KIRREL3: variants seen among roughly 807,000 people sequenced by gnomAD.
The protein encoded by KIRREL3 is kin of IRRE-like protein 3.
In KIRREL3, 36 loss-of-function variants were observed where a neutral mutation model predicts 89.7. The ratio of observed to expected loss-of-function variants is 0.40; its 90% CI spans 0.31 to 0.53. The LOEUF (loss-of-function observed/expected upper bound fraction) is 0.53, where lower values mean the gene tolerates loss of function less well. Ranked by LOEUF, KIRREL3 falls within the 20% of genes least tolerant of loss-of-function variation. KIRREL3 has a pLI of 0.49. For missense variants in KIRREL3, 864 were observed against 1,056.6 expected (o/e 0.82, Z 2.53); for synonymous variants, 445 against 441.4 (o/e 1.01, Z -0.10).
chr11:126,894,809 G>C (rs1478372327), intron 1 of KIRREL3, among the ~76,000 whole-genome samples: 1 of 152,064 alleles, frequency 6.6e-6, no homozygotes, highest in Non-Finnish European at 1.5e-5. Context: ...TGCTATGAAG[G>C]AATAGTGGGC....
chr11:126,873,807 C>T (rs1262347853), intron 1 of KIRREL3, among the ~76,000 whole-genome samples: 1 of 152,150 alleles, frequency 6.6e-6, no homozygotes, highest in Non-Finnish European at 1.5e-5. Context: ...GACAAAAATG[C>T]TTTTTCAGGC....
intron 1 of KIRREL3, among the ~76,000 whole-genome samples, chr11:126,923,634 G>T (rs545278202): frequency 6.6e-6 from 1 of 151,932 alleles, no homozygotes; most frequent in Non-Finnish European, 1.5e-5. Context: ...AGTAGAGATG[G>T]GGTTTCACCA....
At chr11:126,800,472 A>C (rs886825401) in intron 1 of KIRREL3, among the ~76,000 whole-genome samples, 2 of 152,190 alleles carry the variant, frequency 1.3e-5, no homozygotes, top group African/African-American at 4.8e-5. Flanking sequence ...TACAGAAGGC[A>C]GGTAGGGAGG....
At chr11:126,884,302 A>G (rs1200427506) in intron 1 of KIRREL3, among the ~76,000 whole-genome samples, 1 of 152,214 alleles carries the variant, frequency 6.6e-6, no homozygotes, top group Non-Finnish European at 1.5e-5. Context: ...TCATTGGAGA[A>G]GCATGGTTCT....
At chr11:126,775,414 C>T (rs1950142976) in intron 1 of KIRREL3, among the ~76,000 whole-genome samples, 1 of 152,140 alleles carries the variant, frequency 6.6e-6, no homozygotes, top group African/African-American at 2.4e-5. Context: ...GCTGGTAACT[C>T]CTTGAAGGGG....
At chr11:126,632,990 G>T (rs959667952) in intron 1 of KIRREL3, among the ~76,000 whole-genome samples, 1 of 151,936 alleles carries the variant, frequency 6.6e-6, no homozygotes, top group Non-Finnish European at 1.5e-5. Flanking sequence ...TATTCGGGAG[G>T]CTGAGGCAGG....
Position 126,535,724 on chromosome 11 carries a change from C to T in KIRREL3, c.134-9037G>A, listed in dbSNP as rs931412919. The stretch of plus-strand genomic sequence containing the variant: ...TGAGGGCTGGGCCCGGTGGCTCACG[C>T]CTGTAATCCCAGCACTTTGGGAAGC... On this transcript the variant is annotated intron_variant, in intron 2 of 16. Transcript: ENST00000525144. This position sits in a 1 kb window ranked among gnomAD's most constrained non-coding sequence, Gnocchi z 4.5. 1.3e-5 allele frequency among the ~76,000 whole-genome samples: 2 copies of T among 152,222 alleles called. No homozygotes were observed. Among genetic ancestry groups the T allele is most frequent in the Admixed American group, 1.3e-4 (2 of 15,284 alleles).
rs942997118 is a variant in KIRREL3 at position 126,783,819 on chromosome 11, G to A, written c.55+216636C>T. Among the ~76,000 whole-genome samples, 1 of 152,214 alleles carries A rather than the reference G, an allele frequency of 6.6e-6. No individual in the cohort carries two copies. The highest frequency in any genetic ancestry group is 1.5e-5 in the Non-Finnish European group (1 of 68,034). ...TCCTTCTAAAGAATACAGTGTGAAA[G>A]TGAGAGAAAAAGAGGAGCTTTGCAG... On this transcript the variant is annotated intron_variant, in intron 1 of 16. Coordinates refer to ENST00000525144, the MANE Select transcript of KIRREL3 (RefSeq NM_032531.4). The surrounding 1 kb of genome is among the most constrained non-coding windows in gnomAD (Gnocchi z 4.3).
At chr11:126,792,039 C>T (rs1371854566) in intron 1 of KIRREL3, among the ~76,000 whole-genome samples, 3 of 152,200 alleles carry the variant, frequency 2.0e-5, no homozygotes, top group African/African-American at 7.2e-5. Flanking sequence ...CCCCAGCCTC[C>T]CTTTTGGGGG....
In KIRREL3 at chr11:126,965,486, C is replaced by G. The variant is rs1168372777; in HGVS notation, c.55+34969G>C. 2.6e-5 allele frequency among the ~76,000 whole-genome samples: 4 copies of G among 152,120 alleles called. No homozygotes were observed. The highest frequency in any genetic ancestry group is 5.9e-5 in the Non-Finnish European group (4 of 68,030). The stretch of plus-strand genomic sequence containing the variant: ...CTCATACAATACCTCTTCTCAGTAA[C>G]AAGATGCTGGTACTGAGAAACCAGT... On this transcript the variant is annotated intron_variant, in intron 1 of 16. Coordinates refer to ENST00000525144, the MANE Select transcript of KIRREL3 (RefSeq NM_032531.4). This position sits in a 1 kb window ranked among gnomAD's most constrained non-coding sequence, Gnocchi z 4.4.
At chr11:126,866,844 T>A (rs1944942010) in intron 1 of KIRREL3, among the ~76,000 whole-genome samples, 1 of 152,116 alleles carries the variant, frequency 6.6e-6, no homozygotes, top group Non-Finnish European at 1.5e-5. Flanking sequence ...AAGACCACCT[T>A]CCCATTCCAT....
At chr11:126,700,973 T>C (rs539117803) in intron 1 of KIRREL3, among the ~76,000 whole-genome samples, 34 of 152,334 alleles carry the variant, frequency 2.2e-4, no homozygotes, top group African/African-American at 7.7e-4. Flanking sequence ...ATTTATTTCA[T>C]TTAACAAGAA....
At position 126,969,114 on chromosome 11, in the gene KIRREL3, C is replaced by T. The variant is rs1949360050; in HGVS notation, c.55+31341G>A. Among the ~76,000 whole-genome samples the T allele has an allele frequency of 6.6e-6, 1 of 152,250 alleles. No individual in the cohort carries two copies. Among genetic ancestry groups the T allele is most frequent in the Non-Finnish European group, 1.5e-5 (1 of 68,018 alleles). On this transcript the variant is annotated intron_variant, in intron 1 of 16. Coordinates refer to ENST00000525144, the MANE Select transcript of KIRREL3 (RefSeq NM_032531.4). The surrounding 1 kb of genome is among the most constrained non-coding windows in gnomAD (Gnocchi z 4.9). ...AATCAGGTGCATTGCACAGTCATCT[C>T]CTGCTCAAGACAGAGGAGGGCGCTC...
intron 1 of KIRREL3, among the ~76,000 whole-genome samples, chr11:126,878,137 C>T (rs1226897259): frequency 1.3e-5 from 2 of 152,178 alleles, no homozygotes; most frequent in African/African-American, 4.8e-5. Context: ...ACTTATTCTC[C>T]AGGTAGTGTC....
chr11:126,460,203 C>G (rs1004717502), intron 6 of KIRREL3, among the ~76,000 whole-genome samples: 1 of 152,192 alleles, frequency 6.6e-6, no homozygotes, highest in East Asian at 1.9e-4. Context: ...GCGGTGAGCG[C>G]GGGGACAAAT....
At chr11:126,465,879 T>C (rs1202479639) in intron 5 of KIRREL3, among the ~76,000 whole-genome samples, 1 of 152,176 alleles carries the variant, frequency 6.6e-6, no homozygotes, top group Non-Finnish European at 1.5e-5. Flanking sequence ...AATAGCCAAG[T>C]GATAATAAGA....
intron 1 of KIRREL3, chr11:126,681,669 A>T: frequency 3.0e-6 from 1 of 334,632 alleles, no homozygotes; most frequent in South Asian, 2.4e-5. Flanking sequence ...GAGATTTGCA[A>T]ATTGTTGTCA....
In KIRREL3 at chr11:126,996,501, A is replaced by C. The variant is rs763118491; in HGVS notation, c.55+3954T>G. On this transcript the variant is annotated intron_variant, in intron 1 of 16. Coordinates refer to ENST00000525144, the MANE Select transcript of KIRREL3 (RefSeq NM_032531.4). The surrounding 1 kb of genome is among the most constrained non-coding windows in gnomAD (Gnocchi z 4.7). The stretch of plus-strand genomic sequence containing the variant: ...TCCCAAGGGAACTCCTTGCTAGTTC[A>C]AGCCTCTTGAAGTGGCTCCTCCTTT... Among the ~76,000 whole-genome samples, 3 of 152,090 alleles carry C rather than the reference A, an allele frequency of 2.0e-5. No individual in the cohort carries two copies. The highest frequency in any genetic ancestry group is 4.4e-5 in the Non-Finnish European group (3 of 68,014).
intron 2 of KIRREL3, among the ~76,000 whole-genome samples, chr11:126,552,688 G>C (rs563616887): frequency 2.7e-5 from 4 of 147,332 alleles, no homozygotes; most frequent in African/African-American, 7.5e-5. Flanking sequence ...AGCCTCCTGA[G>C]TAGCTGGGAT....
Sources: allele counts gnomAD v4.1 joint callset (sites outside exome capture counted in the v4.1 genomes callset), GRCh38; gene constraint gnomAD v4.1.1; non-coding constraint Gnocchi (gnomAD v3.1); transcripts MANE v1.5; gene names NCBI Gene and HGNC (gene_info 2026-07-23, HGNC 2026-07-21).